CDH13: variants seen among roughly 807,000 people sequenced by gnomAD.
CDH13 encodes cadherin-13.
CDH13 carries 24 observed loss-of-function variants against 63.8 expected under a neutral mutation model. That is an observed-to-expected ratio of 0.38 (90% CI 0.27 to 0.53). The LOEUF is 0.53. Among genes scored for constraint, CDH13 ranks in the 20% least tolerant of loss-of-function variants. The pLI is 0.85. For missense variants in CDH13, 1,049 were observed against 903.1 expected (o/e 1.16, Z -2.07); for synonymous variants, 503 against 355.3 (o/e 1.42, Z -4.67).
intron 10 of CDH13, among the ~76,000 whole-genome samples, chr16:83,684,921 TGACAGTTCAGG>T (rs1904290072): frequency 6.6e-6 from 1 of 152,048 alleles, no homozygotes; most frequent in South Asian, 2.1e-4. Flanking sequence ...AGAGCAGGCA[TGACAGTTCAGG>T]GACAGTGGCA....
intron 2 of CDH13, among the ~76,000 whole-genome samples, chr16:82,879,998 T>C (rs2040643640): frequency 6.8e-6 from 1 of 147,370 alleles, no homozygotes; most frequent in Non-Finnish European, 1.5e-5. Flanking sequence ...TATATTAATA[T>C]ATAATAGATT....
At chr16:83,379,906 T>G (rs952123075) in intron 6 of CDH13, among the ~76,000 whole-genome samples, 1 of 113,604 alleles carries the variant, frequency 8.8e-6, no homozygotes, top group African/African-American at 3.3e-5. Flanking sequence ...ATATGTATTA[T>G]ATATGTGTGT....
At chr16:83,622,262 G>C (rs1302937065) in intron 8 of CDH13, among the ~76,000 whole-genome samples, 1 of 152,002 alleles carries the variant, frequency 6.6e-6, no homozygotes, top group African/African-American at 2.4e-5. Context: ...AGCGTGGTGG[G>C]GCAGGAATGT....
chr16:83,468,885 C>A (rs1035650236), intron 6 of CDH13, among the ~76,000 whole-genome samples: 1 of 152,198 alleles, frequency 6.6e-6, no homozygotes, highest in African/African-American at 2.4e-5. Flanking sequence ...AAGCCCTGCA[C>A]GCATTAGCCC....
At chr16:83,444,563 G>A (rs2072609436) in intron 6 of CDH13, among the ~76,000 whole-genome samples, 1 of 152,142 alleles carries the variant, frequency 6.6e-6, no homozygotes, top group African/African-American at 2.4e-5. Context: ...CCCAGTCACT[G>A]AGCACCAGAA....
chr16:82,822,219 C>T (rs571849591), intron 1 of CDH13, among the ~76,000 whole-genome samples: 4 of 152,138 alleles, frequency 2.6e-5, no homozygotes, highest in African/African-American at 9.7e-5. Flanking sequence ...AACTTGAATG[C>T]TTCCAAATGT....
At chr16:82,871,588 C>A (rs1460264505) in intron 2 of CDH13, among the ~76,000 whole-genome samples, 1 of 152,128 alleles carries the variant, frequency 6.6e-6, no homozygotes, top group Non-Finnish European at 1.5e-5. Flanking sequence ...CTCCCTGGAC[C>A]TTTGTTTTTC....
At chr16:82,947,046 G>A (rs77956008) in intron 2 of CDH13, among the ~76,000 whole-genome samples, 4,435 of 149,724 alleles carry the variant, frequency 0.03, 145 homozygotes, top group African/African-American at 0.075. Context: ...GTGTGTGTGT[G>A]TGATGTTGTA....
intron 5 of CDH13, among the ~76,000 whole-genome samples, chr16:83,309,933 C>G (rs7188362): frequency 0.44 from 66,375 of 151,576 alleles, 14,595 homozygotes; most frequent in East Asian, 0.5. Context: ...GTGGCTCTCC[C>G]TCAGCATAAA....
chr16:83,673,826 C>T (rs2150863031), intron 9 of CDH13, among the ~76,000 whole-genome samples: 1 of 152,318 alleles, frequency 6.6e-6, no homozygotes, highest in African/African-American at 2.4e-5. Context: ...GGGGCATGGC[C>T]TTAGGGGAAG....
chr16:83,352,328 G>A (rs1054065085), intron 6 of CDH13, among the ~76,000 whole-genome samples: 3 of 152,184 alleles, frequency 2.0e-5, no homozygotes, highest in African/African-American at 7.2e-5. Flanking sequence ...ACTCCACCTA[G>A]TCGTTCAAGA....
intron 10 of CDH13, 106 bp from the exon 11 acceptor site, chr16:83,748,002 T>A (rs1046481373): frequency 2.4e-5 from 29 of 1,208,914 alleles, no homozygotes; most frequent in Non-Finnish European, 2.8e-5. Context: ...GGATTTTTGT[T>A]ACCTAGGATC....
At chr16:82,757,158 C>G (rs1334811126) in intron 1 of CDH13, among the ~76,000 whole-genome samples, 2 of 152,166 alleles carry the variant, frequency 1.3e-5, no homozygotes, top group African/African-American at 4.8e-5. Context: ...TGTATCCTAT[C>G]TACTCTCCTG....
At chr16:83,260,461 C>T (rs573661847) in intron 5 of CDH13, among the ~76,000 whole-genome samples, 1 of 132,442 alleles carries the variant, frequency 7.6e-6, no homozygotes, top group African/African-American at 2.6e-5. Flanking sequence ...GTGGCGCAGC[C>T]ATCCTACCAA....
intron 1 of CDH13, among the ~76,000 whole-genome samples, chr16:82,834,215 G>A (rs1369117468): frequency 1.3e-5 from 2 of 152,174 alleles, no homozygotes; most frequent in African/African-American, 2.4e-5. Context: ...ACATCTTTCA[G>A]ATGAATTTAA....
chr16:82,903,355 G>A (rs1006578388), intron 2 of CDH13, among the ~76,000 whole-genome samples: 4 of 152,222 alleles, frequency 2.6e-5, no homozygotes, highest in African/African-American at 7.2e-5. Flanking sequence ...CCTCTTTGGA[G>A]GCTGGGTTGG....
chr16:82,824,015 A>G (rs2038126653), intron 1 of CDH13: 1 of 152,202 alleles, frequency 6.6e-6, no homozygotes, highest in Non-Finnish European at 1.5e-5. Context: ...TGAGAAAATG[A>G]TTGAGTTTAT....
At chr16:83,164,438 T>G (rs1254353570) in intron 4 of CDH13, among the ~76,000 whole-genome samples, 2 of 152,024 alleles carry the variant, frequency 1.3e-5, no homozygotes, top group East Asian at 1.9e-4. Flanking sequence ...AACTAGAGTG[T>G]CTAAGCAGGT....
At chr16:83,019,721 C>G (rs1382069887) in intron 2 of CDH13, among the ~76,000 whole-genome samples, 1 of 151,078 alleles carries the variant, frequency 6.6e-6, no homozygotes, top group Non-Finnish European at 1.5e-5. Context: ...GTCTCAAACT[C>G]CTGGGCTCAA....
Sources: allele counts gnomAD v4.1 joint callset (sites outside exome capture counted in the v4.1 genomes callset), GRCh38; gene constraint gnomAD v4.1.1; transcripts MANE v1.5; gene names NCBI Gene and HGNC (gene_info 2026-07-23, HGNC 2026-07-21).